NRXN1: variants seen among roughly 807,000 people sequenced by gnomAD.
The protein encoded by NRXN1 is neurexin-1.
In NRXN1, 39 loss-of-function variants were observed where a neutral mutation model predicts 150.9. The observed-to-expected ratio is 0.26, with a 90% CI of 0.20 to 0.34. The LOEUF is 0.34. NRXN1 is among the 10% of genes least tolerant of loss of function. The pLI, the probability that NRXN1 is intolerant of heterozygous loss-of-function variation, is 1.00. For synonymous variants in NRXN1, 924 were observed against 757.0 expected (o/e 1.22, Z -3.62); for missense variants, 1,815 against 1,949.9 (o/e 0.93, Z 1.30).
At chr2:50,392,855 G>T (rs1417157917) in intron 17 of NRXN1, among the ~76,000 whole-genome samples, 1 of 152,070 alleles carries the variant, frequency 6.6e-6, no homozygotes, top group East Asian at 1.9e-4. Flanking sequence ...ACAGTGGTGT[G>T]CACCTGCAGT....
At chr2:50,988,993 C>T (rs1256432581) in intron 2 of NRXN1, among the ~76,000 whole-genome samples, 2 of 151,728 alleles carry the variant, frequency 1.3e-5, no homozygotes, top group Non-Finnish European at 2.9e-5. Flanking sequence ...CCCACTTTTT[C>T]CCCCCATATT....
intron 18 of NRXN1, among the ~76,000 whole-genome samples, chr2:50,156,735 T>C (rs1339790049): frequency 1.3e-5 from 2 of 151,990 alleles, no homozygotes; most frequent in Non-Finnish European, 2.9e-5. Flanking sequence ...GTATGTAAGA[T>C]AACTATCAAA....
intron 17 of NRXN1, among the ~76,000 whole-genome samples, chr2:50,331,676 A>C (rs569854598): frequency 6.6e-6 from 1 of 152,320 alleles, no homozygotes; most frequent in Admixed American, 6.5e-5. Flanking sequence ...TGAAGGTATC[A>C]GGTTTTAGGT....
intron 17 of NRXN1, among the ~76,000 whole-genome samples, chr2:50,284,245 TTCA>T (rs1227947525): frequency 6.6e-6 from 1 of 152,180 alleles, no homozygotes; most frequent in Non-Finnish European, 1.5e-5. Flanking sequence ...GGTATTTCTC[TTCA>T]TGTCTTAATC....
intron 17 of NRXN1, among the ~76,000 whole-genome samples, chr2:50,445,150 C>T (rs1463531374): frequency 6.6e-6 from 1 of 152,120 alleles, no homozygotes; most frequent in Non-Finnish European, 1.5e-5. Flanking sequence ...TATTCATGTG[C>T]TGTCCTAAAA....
chr2:50,460,574 TATG>T (rs2088074987), intron 17 of NRXN1, among the ~76,000 whole-genome samples: 1 of 152,128 alleles, frequency 6.6e-6, no homozygotes, highest in Non-Finnish European at 1.5e-5. Context: ...CATCTACTTT[TATG>T]ATGTCAATTC....
intron 2 of NRXN1, among the ~76,000 whole-genome samples, chr2:50,953,256 A>G (rs1691701967): frequency 6.6e-6 from 1 of 152,228 alleles, no homozygotes; most frequent in Non-Finnish European, 1.5e-5. Flanking sequence ...AATGTCTCTG[A>G]GTCACACTTT....
chr2:50,004,721 A>G (rs1288268902), intron 21 of NRXN1, among the ~76,000 whole-genome samples: 5 of 152,166 alleles, frequency 3.3e-5, no homozygotes, highest in African/African-American at 1.2e-4. Context: ...AATGTAGTTA[A>G]GTTGACACTG....
intron 5 of NRXN1, among the ~76,000 whole-genome samples, chr2:50,701,839 T>C (rs1252297378): frequency 1.3e-5 from 2 of 152,184 alleles, no homozygotes; most frequent in Non-Finnish European, 2.9e-5. Context: ...TATAATGGCA[T>C]AATCCCTTTT....
chr2:50,089,163 G>A (rs750741759), intron 19 of NRXN1, among the ~76,000 whole-genome samples: 5 of 152,136 alleles, frequency 3.3e-5, no homozygotes, highest in African/African-American at 4.8e-5. Context: ...TCTAGGTAAA[G>A]ATACCAGTTT....
At chr2:50,302,921 CCA>C (rs2074292929) in intron 17 of NRXN1, among the ~76,000 whole-genome samples, 4 of 9,070 alleles carry the variant, frequency 4.4e-4, no homozygotes, top group South Asian at 4.7e-3. Flanking sequence ...GGCCATCCAT[CCA>C]TCCATCCATC....
intron 17 of NRXN1, among the ~76,000 whole-genome samples, chr2:50,458,506 G>C (rs557149169): frequency 2.0e-5 from 3 of 151,946 alleles, no homozygotes; most frequent in Non-Finnish European, 4.4e-5. Flanking sequence ...ACCCAGATTT[G>C]ATCATTACAC....
intron 5 of NRXN1, among the ~76,000 whole-genome samples, chr2:50,661,765 G>T (rs1307114835): frequency 6.6e-6 from 1 of 152,038 alleles, no homozygotes; most frequent in Non-Finnish European, 1.5e-5. Context: ...TACTACTTCT[G>T]ATGCACCATC....
At chr2:50,973,471 GCCTA>G (rs2104807643) in intron 2 of NRXN1, among the ~76,000 whole-genome samples, 1 of 152,260 alleles carries the variant, frequency 6.6e-6, no homozygotes, top group South Asian at 2.1e-4. Context: ...GGAAAGGAAT[GCCTA>G]CTAAGTACAC....
chr2:50,591,227 G>C, intron 8 of NRXN1, among the ~76,000 whole-genome samples: 1 of 151,182 alleles, frequency 6.6e-6, no homozygotes, highest in Non-Finnish European at 1.5e-5. Flanking sequence ...TCCGAACTTG[G>C]TTTCTAGCAT....
chr2:50,019,661 A>AAAAAAAG (rs1687209204), intron 21 of NRXN1, among the ~76,000 whole-genome samples: 1 of 107,514 alleles, frequency 9.3e-6, no homozygotes, highest in Non-Finnish European at 1.9e-5. Context: ...AAAAAAAAAA[A>AAAAAAAG]GGAGGCTGGG....
chr2:50,829,676 C>T (rs1261426318), intron 5 of NRXN1: 12 of 1,610,800 alleles, frequency 7.4e-6, no homozygotes, highest in East Asian at 2.2e-5. Context: ...CAGGCTGACA[C>T]AGCGGAGCGC....
intron 21 of NRXN1, among the ~76,000 whole-genome samples, chr2:50,052,666 GGGCAATT>G (rs1288395312): frequency 1.3e-5 from 2 of 152,044 alleles, no homozygotes; most frequent in African/African-American, 4.8e-5. Context: ...TTGTAGGTGA[GGGCAATT>G]AATCACATAC....
chr2:50,325,937 A>G (rs1354469405), intron 17 of NRXN1, among the ~76,000 whole-genome samples: 1 of 152,198 alleles, frequency 6.6e-6, no homozygotes, highest in Non-Finnish European at 1.5e-5. Context: ...AATGATTAAC[A>G]TTTCAAAAGA....
Sources: allele counts gnomAD v4.1 joint callset (sites outside exome capture counted in the v4.1 genomes callset), GRCh38; gene constraint gnomAD v4.1.1; transcripts MANE v1.5; gene names NCBI Gene and HGNC (gene_info 2026-07-23, HGNC 2026-07-21).